NXPH1: variants seen among roughly 807,000 people sequenced by gnomAD.
The protein encoded by NXPH1 is neurexophilin 1.
Under a neutral mutation model 23.7 loss-of-function variants are expected in NXPH1, and 5 were observed. The observed-to-expected ratio is 0.21, with a 90% CI of 0.11 to 0.44. The LOEUF (loss-of-function observed/expected upper bound fraction) is 0.44, where lower values mean the gene tolerates loss of function less well. NXPH1 is among the 20% of genes least tolerant of loss of function. NXPH1 has a pLI of 0.99. For missense variants in NXPH1, 324 were observed against 321.6 expected (o/e 1.01, Z -0.06); for synonymous variants, 144 against 122.2 (o/e 1.18, Z -1.18).
intron 2 of NXPH1, among the ~76,000 whole-genome samples, chr7:8,523,836 A>ATAT (rs1817816216): frequency 6.6e-6 from 1 of 152,126 alleles, no homozygotes; most frequent in Non-Finnish European, 1.5e-5. Context: ...ATGGGTCTGG[A>ATAT]CATGATTGCT....
At chr7:8,727,238 C>T (rs1419448321) in intron 2 of NXPH1, among the ~76,000 whole-genome samples, 2 of 123,804 alleles carry the variant, frequency 1.6e-5, no homozygotes, top group Non-Finnish European at 3.2e-5. Context: ...TGGATATTAG[C>T]CCTTTGTCAG....
chr7:8,531,152 C>T (rs911775063), intron 2 of NXPH1, among the ~76,000 whole-genome samples: 1 of 152,114 alleles, frequency 6.6e-6, no homozygotes, highest in Admixed American at 6.5e-5. Flanking sequence ...TCTGCCCTGC[C>T]AGCCTATTAA....
At chr7:8,605,282 A>G (rs1194058779) in intron 2 of NXPH1, among the ~76,000 whole-genome samples, 1 of 152,176 alleles carries the variant, frequency 6.6e-6, no homozygotes, top group Non-Finnish European at 1.5e-5. Context: ...AACAGATGGC[A>G]AAGTCCTAAA....
At chr7:8,629,519 A>G (rs1820077491) in intron 2 of NXPH1, among the ~76,000 whole-genome samples, 1 of 152,156 alleles carries the variant, frequency 6.6e-6, no homozygotes, top group Non-Finnish European at 1.5e-5. Context: ...TTTCATAGCT[A>G]GTTAAAAATA....
At chr7:8,461,417 G>C (rs544045488) in intron 2 of NXPH1, among the ~76,000 whole-genome samples, 1 of 152,338 alleles carries the variant, frequency 6.6e-6, no homozygotes, top group African/African-American at 2.4e-5. Flanking sequence ...GAGACTTGAA[G>C]ACAGAGGAAG....
rs1780565907 is a variant in NXPH1, at chr7:8,751,598, A to G, written c.645A>G (p.Ser215=). 6.2e-7 allele frequency: 1 copy of G among 1,613,586 alleles called. No individual in the cohort carries two copies. Among genetic ancestry groups the G allele is most frequent in the African/African-American group, 1.3e-5 (1 of 75,056 alleles). Residue 215 remains serine, a synonymous_variant, in exon 3 of 3, where the codon TCA becomes TCG. Transcript: ENST00000405863. This position sits in a 1 kb window ranked among gnomAD's most constrained non-coding sequence, Gnocchi z 4.5. ...ACACACTCTGCAACTATGACCCTTC[A>G]AAAACCTGTTACCAGGAGCAAACCC... ...TKNTLCNYDP[S]KTCYQEQTQS... is the part of the protein sequence containing the mutation.
intron 2 of NXPH1, among the ~76,000 whole-genome samples, chr7:8,513,907 A>T (rs1255999826): frequency 6.6e-6 from 1 of 152,072 alleles, no homozygotes; most frequent in Non-Finnish European, 1.5e-5. Context: ...TGAAATCAAG[A>T]TGTTGGCAAG....
intron 2 of NXPH1, among the ~76,000 whole-genome samples, chr7:8,531,187 G>C (rs1010391963): frequency 2.6e-5 from 4 of 152,086 alleles, no homozygotes; most frequent in African/African-American, 9.7e-5. Flanking sequence ...TCTGCACAGT[G>C]TTTCACTTAG....
rs1239422028 is a variant in NXPH1 at position 8,442,606 on chromosome 7, G to T, written c.54+6839G>T. Among the ~76,000 whole-genome samples the T allele has an allele frequency of 6.6e-6, 1 of 152,160 alleles. No homozygotes were observed. The highest frequency in any genetic ancestry group is 1.9e-4 in the East Asian group (1 of 5,186). ...CAAGAAGCAAGAAACTTTTTTCGAC[G>T]TAGGCTTCATACCCTCCCTTCGGAA... On this transcript the variant is annotated intron_variant, in intron 2 of 2. Transcript: ENST00000405863. This position sits in a 1 kb window ranked among gnomAD's most constrained non-coding sequence, Gnocchi z 4.6.
chr7:8,614,400 A>G (rs1562426871), intron 2 of NXPH1, among the ~76,000 whole-genome samples: 1 of 151,790 alleles, frequency 6.6e-6, no homozygotes, highest in Non-Finnish European at 1.5e-5. Context: ...AGGATGCTAT[A>G]TATATGTATT....
chr7:8,659,005 ATTT>A (rs1205362505), intron 2 of NXPH1, among the ~76,000 whole-genome samples: 3 of 73,240 alleles, frequency 4.1e-5, no homozygotes, highest in African/African-American at 7.9e-5. Flanking sequence ...ATATATATAT[ATTT>A]TTTTTTTTTT....
intron 2 of NXPH1, among the ~76,000 whole-genome samples, chr7:8,527,717 C>T (rs17150569): frequency 0.031 from 4,703 of 152,258 alleles, 233 homozygotes; most frequent in East Asian, 0.18. Flanking sequence ...TTGTCATGTC[C>T]TCCAAATGGC....
intron 2 of NXPH1, among the ~76,000 whole-genome samples, chr7:8,447,070 C>G (rs779307298): frequency 7.9e-5 from 12 of 152,018 alleles, no homozygotes; most frequent in Non-Finnish European, 1.8e-4. Context: ...TATATGAGAC[C>G]TGTTATATTT....
intron 2 of NXPH1, among the ~76,000 whole-genome samples, chr7:8,616,117 A>G (rs895075087): frequency 2.0e-5 from 3 of 152,008 alleles, no homozygotes; most frequent in East Asian, 1.9e-4. Flanking sequence ...ATTTTGTTTT[A>G]TAGACCCCTA....
intron 2 of NXPH1, among the ~76,000 whole-genome samples, chr7:8,455,651 A>C (rs1048077313): frequency 3.7e-4 from 57 of 152,206 alleles, no homozygotes; most frequent in Admixed American, 2.9e-3. Flanking sequence ...GCAATGTTCC[A>C]GCCTGGAATT....
At chr7:8,568,233 T>C (rs763689870) in intron 2 of NXPH1, among the ~76,000 whole-genome samples, 23 of 151,906 alleles carry the variant, frequency 1.5e-4, no homozygotes, top group Non-Finnish European at 4.4e-5. Context: ...TTTTCTCAAA[T>C]GTTTTCAGCA....
At chr7:8,611,897 A>C (rs1425288019) in intron 2 of NXPH1, among the ~76,000 whole-genome samples, 1 of 152,046 alleles carries the variant, frequency 6.6e-6, no homozygotes, top group Admixed American at 6.6e-5. Flanking sequence ...TTAGCAGTGA[A>C]ACTTTAGGCA....
intron 2 of NXPH1, among the ~76,000 whole-genome samples, chr7:8,453,387 T>C (rs983994738): frequency 2.6e-5 from 4 of 152,160 alleles, no homozygotes; most frequent in South Asian, 2.1e-4. Flanking sequence ...AAAAATGTTA[T>C]AGAAATGCAT....
chr7:8,549,544 ATTG>A (rs1303597758), intron 2 of NXPH1, among the ~76,000 whole-genome samples: 2 of 151,500 alleles, frequency 1.3e-5, no homozygotes, highest in Non-Finnish European at 3.0e-5. Flanking sequence ...AATTCAGTAG[ATTG>A]TTTTCTTCCC....
Sources: gnomAD v4.1 joint callset for allele counts (sites outside exome capture counted in the v4.1 genomes callset) on GRCh38, gnomAD v4.1.1 for gene constraint, Gnocchi (gnomAD v3.1) non-coding constraint, MANE v1.5 for transcripts, NCBI Gene and HGNC (gene_info 2026-07-23, HGNC 2026-07-21) for gene names.